SLC41A3: variants seen among roughly 807,000 people sequenced by gnomAD.
SLC41A3 encodes the protein solute carrier family 41 member 3, also known as SLC41A1-like 2.
A neutral mutation model predicts 45.4 loss-of-function variants in SLC41A3; 44 were observed. The observed-to-expected ratio is 0.97, with a 90% CI of 0.76 to 1.25. The LOEUF is 1.25. Among genes scored for constraint, SLC41A3 ranks in the 50% most tolerant of loss-of-function variants. The pLI is 0.00. For missense variants in SLC41A3, 550 were observed against 600.6 expected (o/e 0.92, Z 0.88); for synonymous variants, 256 against 252.4 (o/e 1.01, Z -0.13).
chr3:126,055,067 G>T (rs923380621), intron 2 of SLC41A3, among the ~76,000 whole-genome samples: 4 of 152,098 alleles, frequency 2.6e-5, no homozygotes, highest in Non-Finnish European at 4.4e-5. Flanking sequence ...TGGCCTGGTG[G>T]GTACAGACTG....
intron 3 of SLC41A3, among the ~76,000 whole-genome samples, chr3:126,045,244 C>A (rs1942885020): frequency 6.7e-6 from 1 of 150,016 alleles, no homozygotes; most frequent in African/African-American, 2.5e-5. Context: ...GCAAACTAAA[C>A]CTAAAGTTCA....
chr3:126,041,168 CAGA>C (rs895385730), intron 3 of SLC41A3, among the ~76,000 whole-genome samples: 1 of 149,826 alleles, frequency 6.7e-6, no homozygotes, highest in Non-Finnish European at 1.5e-5. Context: ...TTAAATGGAG[CAGA>C]AGAATTCTAG....
At chr3:126,055,714 A>G (rs1302684495) in intron 2 of SLC41A3, among the ~76,000 whole-genome samples, 2 of 152,128 alleles carry the variant, frequency 1.3e-5, no homozygotes, top group Non-Finnish European at 2.9e-5. Flanking sequence ...AAACCTCTCA[A>G]TGATTCCAAT....
At chr3:126,075,377 C>A (rs947836359) in intron 1 of SLC41A3, among the ~76,000 whole-genome samples, 1 of 151,474 alleles carries the variant, frequency 6.6e-6, no homozygotes, top group Non-Finnish European at 1.5e-5. Flanking sequence ...AAACTTGTAC[C>A]CTGAAAACTA....
Position 126,026,194 on chromosome 3 carries a change from C to T in SLC41A3, c.598+141G>A, listed in dbSNP as rs1169560656. On this transcript the variant is annotated intron_variant, in intron 5 of 10. Coordinates refer to ENST00000360370, the MANE Select transcript of SLC41A3 (RefSeq NM_017836.4). The surrounding 1 kb of genome is among the most constrained non-coding windows in gnomAD (Gnocchi z 4.2). ...GACCCAGCTGGCTCGTCCCACCCTG[C>T]CAGTGAGAACCCTGAGCCCACCATC... 3.0e-6 allele frequency: 4 copies of T among 1,328,440 alleles called. No individual in the cohort carries two copies. In the African/African-American group the frequency reaches 5.9e-5, roughly 20 times the overall value. The allele number at this position is 1,328,440 out of a possible 1,614,324, so 82.3% of individuals were successfully genotyped here.
intron 2 of SLC41A3, among the ~76,000 whole-genome samples, chr3:126,053,250 C>T (rs1316835477): frequency 1.3e-5 from 2 of 152,146 alleles, no homozygotes; most frequent in African/African-American, 4.8e-5. Context: ...TGCGTGGCAT[C>T]CTCATTAGAG....
rs1580403935 is a variant in SLC41A3 at position 126,016,826 on chromosome 3, G to T, written c.795C>A (p.Thr265=). The change falls in exon 7 of 11, where the codon ACC becomes ACA. Residue 265 remains threonine, a synonymous_variant. Coordinates refer to ENST00000360370, the MANE Select transcript of SLC41A3 (RefSeq NM_017836.4). ...GCTTGGCAATGAGGACCCACACTGG[G>T]GTCAGAGCCGCAAAGCTGAGGCAGA... ...PLVCLSFAAL[T]PVWVLIAKQS... is the part of the protein sequence containing the mutation. 1 of 1,612,516 alleles carries T rather than the reference G, an allele frequency of 6.2e-7. No individual in the cohort carries two copies. Among genetic ancestry groups the T allele is most frequent in the Non-Finnish European group, 8.5e-7 (1 of 1,179,586 alleles).
intron 2 of SLC41A3, chr3:126,056,753 A>G (rs1943695415): frequency 7.1e-7 from 1 of 1,411,536 alleles, no homozygotes; most frequent in African/African-American, 1.4e-5. Flanking sequence ...GTGAGGAACA[A>G]AGGCCAGTGT....
chr3:126,078,330 G>A (rs1944978556), intron 1 of SLC41A3, among the ~76,000 whole-genome samples: 1 of 152,190 alleles, frequency 6.6e-6, no homozygotes, highest in South Asian at 2.1e-4. Context: ...TGGTAAAACT[G>A]AGCCAGGCTC....
chr3:126,084,721 G>A (rs965135140), upstream of SLC41A3, among the ~76,000 whole-genome samples: 1 of 152,128 alleles, frequency 6.6e-6, no homozygotes, highest in African/African-American at 2.4e-5. Flanking sequence ...CCTGAGGGAG[G>A]CCTGATGGTT....
At chr3:126,022,660 G>A (rs763086416) in intron 6 of SLC41A3, 126 bp downstream of exon 6, 3 of 1,211,896 alleles carry the variant, frequency 2.5e-6, no homozygotes, top group Non-Finnish European at 3.5e-6. Flanking sequence ...CATGAAATGT[G>A]GGGGACACAT....
At chr3:126,065,360 C>G (rs897464195) in intron 2 of SLC41A3, among the ~76,000 whole-genome samples, 3 of 152,264 alleles carry the variant, frequency 2.0e-5, no homozygotes, top group African/African-American at 7.2e-5. Context: ...ACAAAAACCA[C>G]ATGTTGCCAA....
intron 1 of SLC41A3, among the ~76,000 whole-genome samples, chr3:126,069,561 G>C (rs1576352677): frequency 6.6e-6 from 1 of 152,170 alleles, no homozygotes; most frequent in Non-Finnish European, 1.5e-5. Context: ...TACTGTTAAA[G>C]GTCTAGTTTT....
At chr3:126,040,704 C>T (rs1340854060) in intron 3 of SLC41A3, among the ~76,000 whole-genome samples, 1 of 152,138 alleles carries the variant, frequency 6.6e-6, no homozygotes, top group African/African-American at 2.4e-5. Context: ...CACAGAGCCC[C>T]CTTACCCATG....
intron 1 of SLC41A3, among the ~76,000 whole-genome samples, chr3:126,068,649 G>C (rs956734740): frequency 5.9e-5 from 9 of 152,198 alleles, no homozygotes; most frequent in Non-Finnish European, 1.5e-5. Flanking sequence ...CAGCAAGAAA[G>C]ATCACTTTGT....
At chr3:126,092,276 G>T (rs575292672) in intron 1 of SLC41A3, among the ~76,000 whole-genome samples, 1 of 152,204 alleles carries the variant, frequency 6.6e-6, no homozygotes, top group South Asian at 2.1e-4. Flanking sequence ...CCATTTAAAG[G>T]CCTTCTTAAA....
At chr3:126,027,070 G>A (rs969607714) in intron 4 of SLC41A3, among the ~76,000 whole-genome samples, 5 of 152,164 alleles carry the variant, frequency 3.3e-5, no homozygotes, top group East Asian at 1.9e-4. Context: ...ACCTGGAAAC[G>A]TTATTAAAGA....
Position 126,049,243 on chromosome 3 carries a change from T to C in SLC41A3, c.381+1700A>G, listed in dbSNP as rs367716232. On this transcript the variant is annotated intron_variant, in intron 3 of 10. Transcript: ENST00000360370. ...GGCTCATGCCTATAATCCCAGCACT[T>C]TGGGAGGCTGAGGCGGGCAGATCAC... Among the ~76,000 whole-genome samples, 57 of 152,328 alleles carry C rather than the reference T, an allele frequency of 3.7e-4. No homozygotes were observed. In the East Asian group the frequency reaches 9.6e-3, roughly 26 times the overall value.
In SLC41A3 at chr3:126,026,167, A is replaced by G; in HGVS notation, c.598+168T>C. On this transcript the variant is annotated intron_variant, in intron 5 of 10. Coordinates refer to ENST00000360370, the MANE Select transcript of SLC41A3 (RefSeq NM_017836.4). This position sits in a 1 kb window ranked among gnomAD's most constrained non-coding sequence, Gnocchi z 4.2. ...GGGTGAGGGCACAAGGTGGGCCATG[A>G]AGACCCAGCTGGCTCGTCCCACCCT... is the stretch of plus-strand genomic sequence containing the variant. 1.3e-5 allele frequency: 13 copies of G among 1,031,254 alleles called. No individual in the cohort carries two copies. Among genetic ancestry groups the G allele is most frequent in the Non-Finnish European group, 1.7e-5 (12 of 718,564 alleles). 63.9% of individuals were successfully genotyped at this position (1,031,254 alleles called of 1,614,324 possible).
Sources: gnomAD v4.1 joint callset for allele counts (sites outside exome capture counted in the v4.1 genomes callset) on GRCh38, gnomAD v4.1.1 for gene constraint, Gnocchi (gnomAD v3.1) non-coding constraint, MANE v1.5 for transcripts, NCBI Gene and HGNC (gene_info 2026-07-23, HGNC 2026-07-21) for gene names.